TRAF1: variants seen among roughly 807,000 people sequenced by gnomAD.
TRAF1 encodes TNF receptor associated factor 1.
A neutral mutation model predicts 40.9 loss-of-function variants in TRAF1; 23 were observed. The observed-to-expected ratio is 0.56, with a 90% CI of 0.40 to 0.80. TRAF1 has a LOEUF of 0.80. Among genes scored for constraint, TRAF1 ranks in the 30% least tolerant of loss-of-function variants. TRAF1 has a pLI of 0.00. For missense variants in TRAF1, 477 were observed against 528.7 expected, an observed-to-expected ratio of 0.90 and a Z score of 0.96; for synonymous variants, 206 against 218.8, an observed-to-expected ratio of 0.94 and a Z score of 0.52.
At chr9:120,918,899 A>G (rs1486485935) in intron 3 of TRAF1, among the ~76,000 whole-genome samples, 1 of 152,226 alleles carries the variant, frequency 6.6e-6, no homozygotes, top group East Asian at 1.9e-4. Context: ...CACAGCCATG[A>G]GGGGGAGGTT....
rs1290361232 is a variant in TRAF1 at position 120,913,755 on chromosome 9, G to T, written c.295-17C>A. 6.5e-7 allele frequency: 1 copy of T among 1,538,950 alleles called. No homozygotes were observed. Among genetic ancestry groups the T allele is most frequent in the Admixed American group, 2.0e-5 (1 of 49,546 alleles). ...TGGGCTTCCCTGACAAGAGAGTGGG[G>T]CTGATCAGTGAAAACAGAGGTGGAG... is the stretch of plus-strand genomic sequence containing the variant. On this transcript the variant is annotated splice_polypyrimidine_tract_variant and intron_variant, in intron 4 of 7. Transcript: ENST00000373887.
intron 3 of TRAF1, chr9:120,914,607 G>T (rs529415240): frequency 9.6e-7 from 1 of 1,045,522 alleles, no homozygotes; most frequent in African/African-American, 1.7e-5. Flanking sequence ...GGTCGGGGGG[G>T]CTCTGTGAGG....
intron 5 of TRAF1, among the ~76,000 whole-genome samples, chr9:120,912,989 G>A (rs1005149199): frequency 2.0e-5 from 3 of 152,330 alleles, no homozygotes; most frequent in Middle Eastern, 3.4e-3. Context: ...GCAGGGCCAG[G>A]AACAATGCAG....
chr9:120,917,482 A>G (rs2046576901), intron 3 of TRAF1, among the ~76,000 whole-genome samples: 1 of 152,224 alleles, frequency 6.6e-6, no homozygotes, highest in Non-Finnish European at 1.5e-5. Context: ...ATGAGATAAT[A>G]CATGTAAGCA....
At position 120,911,468 on chromosome 9, in the gene TRAF1, C is replaced by A. The variant is rs1336031983; in HGVS notation, c.751G>T (p.Gly251Cys). The change falls in exon 6 of 8, where the codon GGC (glycine) becomes TGC (cysteine). Residue 251 changes from glycine to cysteine, a missense_variant. Transcript: ENST00000373887. ...QTLAQKDQAL[G>C]KLEQSLRLME... ...AGGCGCAAGCTCTGCTCCAGCTTGC[C>A]CAGGGCCTGGTCTTTCTGGGCCAGG... 1.9e-6 allele frequency: 3 copies of A among 1,613,288 alleles called. No individual in the cohort carries two copies. In the South Asian group the frequency reaches 3.3e-5, roughly 18 times the overall value.
chr9:120,924,016 C>A (rs1476101533), intron 2 of TRAF1, among the ~76,000 whole-genome samples: 2 of 152,210 alleles, frequency 1.3e-5, no homozygotes, highest in African/African-American at 4.8e-5. Flanking sequence ...ACTGCACTGA[C>A]CGGAAGCTAT....
At position 120,903,043 on chromosome 9, in the gene TRAF1, T is replaced by C. The variant is rs1335647130; in HGVS notation, c.*1977A>G. On this transcript the variant is annotated 3_prime_UTR_variant, in exon 8 of 8. Coordinates refer to ENST00000373887, the MANE Select transcript of TRAF1 (RefSeq NM_005658.5). ...ACAAATCCCCCCTTGGGCTCAACAC[T>C]CGGTGAGTAGGGATCAAGAGGTTAT... is the stretch of plus-strand genomic sequence containing the variant. 1 of 152,168 alleles carries C rather than the reference T, an allele frequency of 6.6e-6. No homozygotes were observed. 9.4% of individuals were successfully genotyped at this position (152,168 alleles called of 1,614,324 possible).
intron 1 of TRAF1, 119 bp downstream of exon 1, chr9:120,926,431 G>A (rs1387691710): frequency 6.1e-6 from 1 of 163,398 alleles, no homozygotes; most frequent in Non-Finnish European, 1.3e-5. Context: ...GAGAATCGCA[G>A]GCTGCCGCTG....
rs1249370759 is a variant in TRAF1 at position 120,926,030 on chromosome 9, T to G, written c.46A>C (p.Asn16His). 4 of 1,611,664 alleles carry G rather than the reference T, an allele frequency of 2.5e-6. No individual in the cohort carries two copies. In the South Asian group the frequency reaches 4.4e-5, roughly 18 times the overall value. ...GGAGGGCACCCAAAGGGAAACTCATTCTCATCAGGGGCCGGGCGAGGACTG... is the reference window on the plus strand; with the variant it reads ...GGAGGGCACCCAAAGGGAAACTCATGCTCATCAGGGGCCGGGCGAGGACTG... ...GSSPRPAPDENEFPFGCPPTV... is the reference protein window; with the variant it reads ...GSSPRPAPDEHEFPFGCPPTV... The change falls in exon 2 of 8, where the codon AAT (asparagine) becomes CAT (histidine). Residue 16 changes from asparagine (N) to histidine (H), a missense_variant. By Grantham distance (68) the Asn-to-His change is moderately conservative. Transcript: ENST00000373887.
chr9:120,905,394 G>C (rs1289685727), intron 7 of TRAF1, among the ~76,000 whole-genome samples, 156 bp from the exon 8 acceptor site: 2 of 152,220 alleles, frequency 1.3e-5, no homozygotes, highest in South Asian at 4.1e-4. Flanking sequence ...ACCAAGTAAG[G>C]AGCGCACCTG....
intron 4 of TRAF1, 47 bp from the exon 5 acceptor site, chr9:120,913,785 G>C (rs1366796264): frequency 6.6e-7 from 1 of 1,512,654 alleles, no homozygotes; most frequent in Non-Finnish European, 8.8e-7. Context: ...GTGGAGTGAG[G>C]ACAGGGGAGC....
chr9:120,920,393 T>C (rs1373148922), intron 3 of TRAF1, among the ~76,000 whole-genome samples: 1 of 152,152 alleles, frequency 6.6e-6, no homozygotes, highest in Non-Finnish European at 1.5e-5. Context: ...ATGAATCCAG[T>C]ACAGAACAGA....
intron 7 of TRAF1, among the ~76,000 whole-genome samples, chr9:120,908,961 G>A (rs979581756): frequency 6.6e-6 from 1 of 152,170 alleles, no homozygotes; most frequent in African/African-American, 2.4e-5. Context: ...CTCCCAAAGT[G>A]CTGGGATTAC....
chr9:120,914,679 A>G, intron 3 of TRAF1: 3 of 676,376 alleles, frequency 4.4e-6, no homozygotes, highest in Non-Finnish European at 5.5e-6. Flanking sequence ...CTCAGAACAC[A>G]CTGACTGCAT....
intron 5 of TRAF1, among the ~76,000 whole-genome samples, chr9:120,912,823 T>G (rs926595102): frequency 3.3e-5 from 5 of 152,166 alleles, no homozygotes; most frequent in Admixed American, 3.3e-4. Context: ...GAGCGTAGGA[T>G]GGCAATGTGA....
chr9:120,906,181 T>G (rs943935347), intron 7 of TRAF1, among the ~76,000 whole-genome samples: 6 of 108,844 alleles, frequency 5.5e-5, no homozygotes, highest in Middle Eastern at 5.2e-3. Flanking sequence ...GTGTTTTTTT[T>G]TTTTTTTTTT....
chr9:120,909,813 G>T (rs888968928), intron 6 of TRAF1, among the ~76,000 whole-genome samples: 5 of 152,240 alleles, frequency 3.3e-5, no homozygotes, highest in Admixed American at 6.5e-5. Context: ...GACCCAGCAA[G>T]AATGAGGGGC....
In TRAF1 at chr9:120,904,784, G is replaced by C; in HGVS notation, c.*236C>G. The C allele has an allele frequency of 1.7e-6, 1 of 571,910 alleles. No individual in the cohort carries two copies. The highest frequency in any genetic ancestry group is 3.0e-5 in the East Asian group (1 of 33,684). The allele number at this position is 571,910 out of a possible 1,614,324, so 35.4% of individuals were successfully genotyped here. A position where few individuals can be genotyped will look rare whatever the true frequency, so the allele number is the denominator to read the frequency against. Reference sequence around the variant, plus strand: ...GGCCTCCCAGTGTCGCATGGTCCGTGCAGAGGGGAGCAGCTCTGCCTGTCT... The same window carrying C: ...GGCCTCCCAGTGTCGCATGGTCCGTCCAGAGGGGAGCAGCTCTGCCTGTCT... On this transcript the variant is annotated 3_prime_UTR_variant, in exon 8 of 8. Transcript: ENST00000373887.
At chr9:120,920,764 G>A (rs1268328449) in intron 3 of TRAF1, among the ~76,000 whole-genome samples, 1 of 152,220 alleles carries the variant, frequency 6.6e-6, no homozygotes, top group Non-Finnish European at 1.5e-5. Flanking sequence ...GTCACAGGCT[G>A]GGGACAAACT....
Sources: gnomAD v4.1 joint callset for allele counts (sites outside exome capture counted in the v4.1 genomes callset) on GRCh38, gnomAD v4.1.1 for gene constraint, MANE v1.5 for transcripts, NCBI Gene and HGNC (gene_info 2026-07-23, HGNC 2026-07-21) for gene names.